Variants in UNC5A observed in about 807,000 individuals in gnomAD.
The protein encoded by UNC5A is unc-5 netrin receptor A, also known as netrin receptor UNC5A.
A neutral mutation model predicts 87.4 loss-of-function variants in UNC5A; 20 were observed. That is an observed-to-expected ratio of 0.23 (90% CI 0.16 to 0.33). UNC5A has a LOEUF of 0.33. Among genes scored for constraint, UNC5A ranks in the 10% least tolerant of loss-of-function variants. The pLI is 1.00. For synonymous variants in UNC5A, 438 were observed against 482.3 expected (o/e 0.91, Z 1.20); for missense variants, 844 against 1,133.4 (o/e 0.74, Z 3.67).
chr5:176,833,331 GT>G (rs1343451126), intron 1 of UNC5A, among the ~76,000 whole-genome samples: 2 of 151,788 alleles, frequency 1.3e-5, no homozygotes, highest in African/African-American at 4.9e-5. Context: ...TAAGCCCTGT[GT>G]CTGTTGTTTC....
At chr5:176,862,882 G>A in intron 2 of UNC5A, 37 bp downstream of exon 2, 1 of 1,608,284 alleles carries the variant, frequency 6.2e-7, no homozygotes, top group Non-Finnish European at 8.5e-7. Context: ...GCCAATCCGG[G>A]GGAGGCGAGT....
Position 176,815,595 on chromosome 5 carries a change from G to A in UNC5A, c.70+4775G>A, listed in dbSNP as rs1403847957. 2.0e-5 allele frequency among the ~76,000 whole-genome samples: 3 copies of A among 152,218 alleles called. No individual in the cohort carries two copies. In the South Asian group the frequency reaches 6.2e-4, roughly 32 times the overall value. ...GGAGAGGGCACTCAGGGTGAACCCCGACACCTAGTAGGTGCCATAGCTTGT... is the reference window on the plus strand; with the variant it reads ...GGAGAGGGCACTCAGGGTGAACCCCAACACCTAGTAGGTGCCATAGCTTGT... On this transcript the variant is annotated intron_variant, in intron 1 of 14. Transcript: ENST00000329542.
intron 1 of UNC5A, among the ~76,000 whole-genome samples, chr5:176,811,469 G>A (rs1335790070): frequency 6.6e-6 from 1 of 152,212 alleles, no homozygotes; most frequent in African/African-American, 2.4e-5. Flanking sequence ...TGGTGCGGGG[G>A]GCCAGAGTTG....
Position 176,851,060 on chromosome 5 carries a change from G to T in UNC5A, c.71-11564G>T, listed in dbSNP as rs924800837. Among the ~76,000 whole-genome samples the T allele has an allele frequency of 3.9e-5, 6 of 152,300 alleles. No homozygotes were observed. The South Asian group carries it at 1.2e-3, about 32-fold the overall frequency. ...GGGTCCCTCTTGGGCTGTGTTGGCC[G>T]GTGCCTAGCACGGTGCCAGGACATG... On this transcript the variant is annotated intron_variant, in intron 1 of 14. Transcript: ENST00000329542.
intron 1 of UNC5A, among the ~76,000 whole-genome samples, chr5:176,837,699 C>T (rs1757179780): frequency 6.6e-6 from 1 of 152,222 alleles, no homozygotes. Context: ...TCCAAGCTGC[C>T]ATGGATGGGC....
rs968462524 is a variant in UNC5A at position 176,864,174 on chromosome 5, G to A, written c.292+1329G>A. 1.4e-4 allele frequency among the ~76,000 whole-genome samples: 22 copies of A among 152,174 alleles called. 1 individual carries two copies. The highest frequency in any genetic ancestry group is 6.8e-3 in the Middle Eastern group (2 of 294). On this transcript the variant is annotated intron_variant, in intron 2 of 14. Transcript: ENST00000329542. Reference sequence around the variant, plus strand: ...AGGTGGCCCAGGAAGGATTCCCAGCGGAGGAGGAACATCCAAGCTCAGGTC... The same window carrying A: ...AGGTGGCCCAGGAAGGATTCCCAGCAGAGGAGGAACATCCAAGCTCAGGTC...
rs1758245763 is a variant in UNC5A, at chr5:176,875,730, C to T, written c.1378+1164C>T. 6.6e-6 allele frequency among the ~76,000 whole-genome samples: 1 copy of T among 152,200 alleles called. No individual in the cohort carries two copies. The highest frequency in any genetic ancestry group is 6.5e-5 in the Admixed American group (1 of 15,286). ...CCCTGCAGGCCAGCTGCTTCAGCCT[C>T]TTCCCTCACACACATCGTCCCGCAC... On this transcript the variant is annotated intron_variant, in intron 8 of 14. Coordinates refer to ENST00000329542, the MANE Select transcript of UNC5A (RefSeq NM_133369.3). This position sits in a 1 kb window ranked among gnomAD's most constrained non-coding sequence, Gnocchi z 5.2.
At chr5:176,863,452 G>A (rs1757891108) in intron 2 of UNC5A, among the ~76,000 whole-genome samples, 2 of 152,164 alleles carry the variant, frequency 1.3e-5, no homozygotes, top group Non-Finnish European at 2.9e-5. Flanking sequence ...AGGGGCCAGA[G>A]TTGGGGCTGA....
intron 2 of UNC5A, among the ~76,000 whole-genome samples, chr5:176,867,695 G>A (rs1338402772): frequency 6.6e-6 from 1 of 152,106 alleles, no homozygotes; most frequent in Non-Finnish European, 1.5e-5. Context: ...CGAGGGAGGG[G>A]GCCAGATCCT....
intron 1 of UNC5A, among the ~76,000 whole-genome samples, chr5:176,836,497 G>A (rs556716089): frequency 2.6e-5 from 4 of 152,304 alleles, no homozygotes; most frequent in South Asian, 2.1e-4. Context: ...TCACAGAGAC[G>A]ACAGTGTGTA....
At chr5:176,830,749 T>C (rs1230520992) in intron 1 of UNC5A, among the ~76,000 whole-genome samples, 2 of 145,830 alleles carry the variant, frequency 1.4e-5, no homozygotes, top group Non-Finnish European at 3.0e-5. Context: ...CTGGTGTGTG[T>C]GCGCTGGCGT....
At chr5:176,845,117 G>C (rs747119044) in intron 1 of UNC5A, among the ~76,000 whole-genome samples, 6 of 152,166 alleles carry the variant, frequency 3.9e-5, no homozygotes, top group Non-Finnish European at 5.9e-5. Context: ...CCCGCCAGGA[G>C]AGTCACCCTC....
intron 1 of UNC5A, among the ~76,000 whole-genome samples, chr5:176,837,290 G>T (rs926927807): frequency 6.6e-6 from 1 of 152,188 alleles, no homozygotes; most frequent in Non-Finnish European, 1.5e-5. Flanking sequence ...CTGTCTTCTA[G>T]CACAGGCACC....
At chr5:176,847,374 C>T (rs899961688) in intron 1 of UNC5A, among the ~76,000 whole-genome samples, 1 of 152,248 alleles carries the variant, frequency 6.6e-6, no homozygotes, top group Non-Finnish European at 1.5e-5. Flanking sequence ...CCTCCAGGGC[C>T]TCCCTTCTAT....
rs1757980360 is a variant in UNC5A at position 176,866,542 on chromosome 5, CG to C, written c.293-1583del. ...GAGGGCCGGGCTCCCCACAGCACCA[CG>C]GGGGATGGAGGAACCATTAACAGAC... is the stretch of plus-strand genomic sequence containing the variant. On this transcript the variant is annotated intron_variant, in intron 2 of 14. Transcript: ENST00000329542. The surrounding 1 kb of genome is among the most constrained non-coding windows in gnomAD (Gnocchi z 5.0). Among the ~76,000 whole-genome samples, 5 of 152,278 alleles carry C rather than the reference CG, an allele frequency of 3.3e-5. No homozygotes were observed. The South Asian group carries it at 1.0e-3, about 32-fold the overall frequency.
chr5:176,837,396 T>C (rs1757172439), intron 1 of UNC5A, among the ~76,000 whole-genome samples: 1 of 152,198 alleles, frequency 6.6e-6, no homozygotes, highest in African/African-American at 2.4e-5. Flanking sequence ...TCCGGCTGAC[T>C]TCCCAGAGCC....
At chr5:176,821,386 C>A (rs1188235507) in intron 1 of UNC5A, among the ~76,000 whole-genome samples, 3 of 152,202 alleles carry the variant, frequency 2.0e-5, no homozygotes, top group Non-Finnish European at 4.4e-5. Flanking sequence ...GATCACACAA[C>A]CAGAGGTCCA....
intron 1 of UNC5A, among the ~76,000 whole-genome samples, chr5:176,832,746 T>C (rs1397636096): frequency 6.6e-6 from 1 of 152,166 alleles, no homozygotes; most frequent in African/African-American, 2.4e-5. Flanking sequence ...AGGAAAGCAG[T>C]GGACTCAGAT....
chr5:176,863,716 TC>T (rs1757898100), intron 2 of UNC5A, among the ~76,000 whole-genome samples: 1 of 76,104 alleles, frequency 1.3e-5, no homozygotes. Flanking sequence ...CTTCTCCTCC[TC>T]CCCCTCCTCC....
Sources: allele counts gnomAD v4.1 joint callset (sites outside exome capture counted in the v4.1 genomes callset), GRCh38; gene constraint gnomAD v4.1.1; non-coding constraint Gnocchi (gnomAD v3.1); transcripts MANE v1.5; gene names NCBI Gene and HGNC (gene_info 2026-07-23, HGNC 2026-07-21).